Variants in SYNC observed in about 807,000 individuals in gnomAD.
SYNC encodes syncoilin.
Under a neutral mutation model 49.5 loss-of-function variants are expected in SYNC, and 38 were observed. That is an observed-to-expected ratio of 0.77 (90% confidence interval 0.59 to 1.01). The LOEUF is 1.01. Ranked by LOEUF, SYNC falls within the 50% of genes least tolerant of loss-of-function variation. The pLI, the probability that SYNC is intolerant of heterozygous loss-of-function variation, is 0.00. For missense variants in SYNC, 579 were observed against 580.6 expected, an observed-to-expected ratio of 1.00 and a Z score of 0.03; for synonymous variants, 201 against 230.8, an observed-to-expected ratio of 0.87 and a Z score of 1.17.
intron 2 of SYNC, chr1:32,686,199 GCATTAAAGTTAATTT>G (rs1457378770): frequency 6.6e-6 from 1 of 152,158 alleles, no homozygotes; most frequent in Non-Finnish European, 1.5e-5. Flanking sequence ...TAAATAAAAT[GCATTAAAGTTAATTT>G]CATCTGTTTC....
chr1:32,691,533 A>T lies in SYNC; in HGVS notation c.1233+3332T>A, dbSNP rs1248368685. 2.2e-5 allele frequency among the ~76,000 whole-genome samples: 3 copies of T among 138,300 alleles called. No individual in the cohort carries two copies. In the Admixed American group the frequency reaches 2.4e-4, roughly 11 times the overall value. The allele number at this position is 138,300 out of a possible 152,430, so 90.7% of individuals were successfully genotyped here. On this transcript the variant is annotated intron_variant, in intron 2 of 4. Coordinates refer to ENST00000409190, the MANE Select transcript of SYNC (RefSeq NM_030786.3). ...GTGCCACTGCACTCCAGCATGGGTG[A>T]CAGAGGGAGACTCCATCTCAGAAAA...
intron 2 of SYNC, among the ~76,000 whole-genome samples, chr1:32,686,487 CAAAG>C (rs1300865399): frequency 2.6e-5 from 4 of 152,092 alleles, no homozygotes; most frequent in Admixed American, 1.3e-4. Flanking sequence ...AGGACAAAGA[CAAAG>C]AAAGGATACA....
In SYNC at chr1:32,683,994, T is replaced by C. The variant is rs1456158593; in HGVS notation, c.1438+16A>G. On this transcript the variant is annotated intron_variant, in intron 4 of 4. Coordinates refer to ENST00000409190, the MANE Select transcript of SYNC (RefSeq NM_030786.3). ...AGTAACAATGCAAACACCACTCTTCTCTTCACAAAGATCACCTTGAGACTG... is the reference window on the plus strand; with the variant it reads ...AGTAACAATGCAAACACCACTCTTCCCTTCACAAAGATCACCTTGAGACTG... The C allele has an allele frequency of 1.9e-6, 3 of 1,610,872 alleles. No individual in the cohort carries two copies. In the South Asian group the frequency reaches 3.3e-5, roughly 18 times the overall value.
intron 2 of SYNC, chr1:32,685,977 C>T (rs1341164768): frequency 1.3e-5 from 2 of 152,186 alleles, no homozygotes; most frequent in African/African-American, 2.4e-5. Context: ...ACTTGAACCT[C>T]TGTTACTCTT....
chr1:32,684,019 G>GT lies in SYNC; in HGVS notation c.1428dup (p.Gln477ThrfsTer28). On this transcript the variant is annotated frameshift_variant, in exon 4 of 5. Transcript: ENST00000409190. LOFTEE classifies it high-confidence loss of function. ...TCTTCACAAAGATCACCTTGAGACT[G>GT]TGTCTCCATTCCACCTGCCTGAGAA... The GT allele has an allele frequency of 6.2e-7, 1 of 1,614,030 alleles. No homozygotes were observed.
chr1:32,691,878 A>G (rs1309810884), intron 2 of SYNC, among the ~76,000 whole-genome samples: 1 of 152,086 alleles, frequency 6.6e-6, no homozygotes, highest in African/African-American at 2.4e-5. Flanking sequence ...ATGCTTTCAT[A>G]CCTAGCTCAA....
At chr1:32,698,315 G>A (rs544178155) in intron 1 of SYNC, among the ~76,000 whole-genome samples, 6 of 151,300 alleles carry the variant, frequency 4.0e-5, no homozygotes, top group Admixed American at 6.6e-5. Flanking sequence ...TCAGGAGATC[G>A]AGACCATACT....
intron 2 of SYNC, among the ~76,000 whole-genome samples, chr1:32,687,861 A>ATTATTTTTTTTTTTT (rs1280120903): frequency 1.2e-4 from 18 of 146,434 alleles, no homozygotes; most frequent in African/African-American, 4.0e-4. Flanking sequence ...TATTATTATT[A>ATTATTTTTTTTTTTT]TTTTTTGAGA....
intron 3 of SYNC, 64 bp from the exon 4 acceptor site, chr1:32,684,153 C>A: frequency 6.2e-7 from 1 of 1,606,432 alleles, no homozygotes; most frequent in South Asian, 1.1e-5. Flanking sequence ...AATCATTTCC[C>A]AAATCCTCTT....
chr1:32,700,376 T>A (rs1166688296), intron 1 of SYNC, among the ~76,000 whole-genome samples: 2 of 152,218 alleles, frequency 1.3e-5, no homozygotes, highest in African/African-American at 4.8e-5. Flanking sequence ...CTAGGCATTT[T>A]ACATGAATAC....
At chr1:32,682,305 C>G (rs1360555471) in intron 4 of SYNC, 1 of 159,180 alleles carries the variant, frequency 6.3e-6, no homozygotes, top group African/African-American at 2.4e-5. Flanking sequence ...CCTGTAATCC[C>G]AGCTACTTAG....
chr1:32,702,679 T>C lies in SYNC; in HGVS notation c.-19A>G. 1 of 1,170,744 alleles carries C rather than the reference T, an allele frequency of 8.5e-7. No individual in the cohort carries two copies. The allele number at this position is 1,170,744 out of a possible 1,614,324, so 72.5% of individuals were successfully genotyped here. On this transcript the variant is annotated 5_prime_UTR_variant, in exon 1 of 5. Transcript: ENST00000409190. The surrounding 1 kb of genome is among the most constrained non-coding windows in gnomAD (Gnocchi z 6.2). Reference sequence around the variant, plus strand: ...TGGCCATGGCTGCGCGACCCCGGGCTGGCGGCCGCGTTATTAATAGCCGGG... The same window carrying C: ...TGGCCATGGCTGCGCGACCCCGGGCCGGCGGCCGCGTTATTAATAGCCGGG...
At chr1:32,691,816 T>C (rs1364940636) in intron 2 of SYNC, among the ~76,000 whole-genome samples, 1 of 152,208 alleles carries the variant, frequency 6.6e-6, no homozygotes, top group Non-Finnish European at 1.5e-5. Flanking sequence ...TGTAATTATT[T>C]ATGTGACTTG....
At chr1:32,696,938 G>A (rs1650458790) in intron 1 of SYNC, among the ~76,000 whole-genome samples, 1 of 151,008 alleles carries the variant, frequency 6.6e-6, no homozygotes, top group African/African-American at 2.4e-5. Flanking sequence ...AGTAGAGATG[G>A]GGTTTTACCA....
At position 32,702,488 on chromosome 1, in the gene SYNC, C is replaced by G; in HGVS notation, c.53+120G>C. On this transcript the variant is annotated intron_variant, in intron 1 of 4. Coordinates refer to ENST00000409190, the MANE Select transcript of SYNC (RefSeq NM_030786.3). This position sits in a 1 kb window ranked among gnomAD's most constrained non-coding sequence, Gnocchi z 6.2. ...CTCACGAGGCGGCTCCAGTGCCCCA[C>G]CCCGGCTGGACCACTACCCCTAGAC... The G allele has an allele frequency of 9.9e-7, 1 of 1,011,520 alleles. No homozygotes were observed. Among genetic ancestry groups the G allele is most frequent in the Non-Finnish European group, 1.2e-6 (1 of 805,730 alleles). The allele number at this position is 1,011,520 out of a possible 1,614,324, so 62.7% of individuals were successfully genotyped here.
intron 4 of SYNC, 82 bp from the exon 5 acceptor site, chr1:32,681,942 C>T (rs1270253112): frequency 7.7e-7 from 1 of 1,294,640 alleles, no homozygotes; most frequent in South Asian, 1.2e-5. Context: ...GAGATTGTTA[C>T]AGTGTGATTT....
Position 32,694,941 on chromosome 1 carries a change from C to T in SYNC, c.1157G>A (p.Arg386His), listed in dbSNP as rs1650334432. Residue 386 changes from arginine to histidine, a missense_variant, in exon 2 of 5, where the codon CGC (arginine) becomes CAC (histidine). By Grantham distance (29) the Arg-to-His change is conservative (BLOSUM62 0). Transcript: ENST00000409190. Reference protein sequence around the residue: ...RPLQAEARQLRLQNRNLEDQI... With the variant: ...RPLQAEARQLHLQNRNLEDQI... ...GTCCTCCAGGTTCCTGTTTTGCAGG[C>T]GGAGCTGCCGGGCCTCTGCTTGCAG... 5.6e-6 allele frequency: 9 copies of T among 1,613,284 alleles called. No individual in the cohort carries two copies. Among genetic ancestry groups the T allele is most frequent in the South Asian group, 1.1e-5 (1 of 91,052 alleles).
chr1:32,697,011 G>A (rs1235872672), intron 1 of SYNC, among the ~76,000 whole-genome samples: 1 of 151,970 alleles, frequency 6.6e-6, no homozygotes, highest in African/African-American at 2.4e-5. Flanking sequence ...GCCTCCCAAA[G>A]TGTTGGGATT....
chr1:32,691,570 T>TAAAAAAAAAAAAAAA (rs1557873798), intron 2 of SYNC, among the ~76,000 whole-genome samples: 1 of 8,146 alleles, frequency 1.2e-4, no homozygotes. Flanking sequence ...AAAAAAAAAG[T>TAAAAAAAAAAAAAAA]AGCAAGGCAA....
Sources: gnomAD v4.1 joint callset for allele counts (sites outside exome capture counted in the v4.1 genomes callset) on GRCh38, gnomAD v4.1.1 for gene constraint, Gnocchi (gnomAD v3.1) non-coding constraint, MANE v1.5 for transcripts, NCBI Gene and HGNC (gene_info 2026-07-23, HGNC 2026-07-21) for gene names.